The following NF1 variants were observed in gnomAD, a reference collection of about 807,000 sequenced individuals.
NF1 encodes neurofibromin 1.
A neutral mutation model predicts 325.7 loss-of-function variants in NF1; 122 were observed. The ratio of observed to expected loss-of-function variants is 0.37; its 90% CI spans 0.32 to 0.44. The LOEUF (loss-of-function observed/expected upper bound fraction) is 0.44, where lower values mean the gene tolerates loss of function less well. Ranked by LOEUF, NF1 falls within the 20% of genes least tolerant of loss-of-function variation. The pLI, the probability that NF1 is intolerant of heterozygous loss-of-function variation, is 1.00. For missense variants in NF1, 2,140 were observed against 3,415.4 expected, an observed-to-expected ratio of 0.63 and a Z score of 9.31; for synonymous variants, 1,091 against 1,186.0, an observed-to-expected ratio of 0.92 and a Z score of 1.65.
At chr17:31,135,098 T>TA (rs1332348879) in intron 1 of NF1, among the ~76,000 whole-genome samples, 1 of 152,222 alleles carries the variant, frequency 6.6e-6, no homozygotes, top group Non-Finnish European at 1.5e-5. Context: ...ATCAAGTTTA[T>TA]TAAGCAGTTC....
chr17:31,309,181 T>G (rs751263006), intron 36 of NF1, among the ~76,000 whole-genome samples: 5 of 152,228 alleles, frequency 3.3e-5, no homozygotes, highest in Non-Finnish European at 5.9e-5. Context: ...AAGCATACAT[T>G]CTTTCTGCTA....
intron 36 of NF1, chr17:31,304,103 A>G (rs2068641593): frequency 1.6e-6 from 1 of 631,798 alleles, no homozygotes; most frequent in South Asian, 2.7e-5. Flanking sequence ...CTTTTTTTAA[A>G]AAAAAGTTTC....
intron 5 of NF1, among the ~76,000 whole-genome samples, chr17:31,179,060 A>T (rs1432535028): frequency 6.6e-6 from 1 of 152,358 alleles, no homozygotes; most frequent in Non-Finnish European, 1.5e-5. Flanking sequence ...AACAGAATGT[A>T]TATTCTTCTC....
Position 31,201,120 on chromosome 17 carries a change from T to TTGC in NF1, c.1148_1150dup (p.Cys383dup). ...ATCTAATGATTGACTGCCTTGTTTC[T>TTGC]TGCTTTCGTATAAGCCCTCACAACA... On this transcript the variant is annotated inframe_insertion, in exon 10 of 58. Coordinates refer to ENST00000358273, the MANE Select transcript of NF1 (RefSeq NM_001042492.3). The TTGC allele has an allele frequency of 6.2e-7, 1 of 1,614,166 alleles. No individual in the cohort carries two copies. The highest frequency in any genetic ancestry group is 8.5e-7 in the Non-Finnish European group (1 of 1,180,006).
intron 29 of NF1, 121 bp from the exon 30 acceptor site, chr17:31,248,863 T>G: frequency 2.2e-6 from 2 of 901,434 alleles, no homozygotes; most frequent in Middle Eastern, 2.5e-4. Context: ...TGTTTAAAGA[T>G]TCCAATGAAG....
At chr17:31,106,812 T>C (rs949500457) in intron 1 of NF1, among the ~76,000 whole-genome samples, 4 of 152,222 alleles carry the variant, frequency 2.6e-5, no homozygotes, top group Non-Finnish European at 5.9e-5. Flanking sequence ...AATACACTTA[T>C]TGTACATTCT....
intron 36 of NF1, among the ~76,000 whole-genome samples, chr17:31,316,065 G>T (rs190000857): frequency 7.9e-5 from 12 of 152,048 alleles, no homozygotes; most frequent in Non-Finnish European, 1.5e-4. Context: ...CTCGCTGGCT[G>T]GCTTATTTAT....
chr17:31,323,060 C>T (rs2069252511), intron 36 of NF1, among the ~76,000 whole-genome samples: 2 of 152,018 alleles, frequency 1.3e-5, no homozygotes, highest in Non-Finnish European at 2.9e-5. Flanking sequence ...AACAATGATT[C>T]AGAAATGTTT....
At chr17:31,359,091 C>T (rs1223687341) in intron 56 of NF1, 76 bp downstream of exon 56, 1 of 1,164,464 alleles carries the variant, frequency 8.6e-7, no homozygotes, top group Non-Finnish European at 1.3e-6. Context: ...GCTTTAAGAA[C>T]ACACAATGTG....
intron 45 of NF1, 71 bp from the exon 46 acceptor site, chr17:31,338,633 C>A: frequency 1.0e-6 from 1 of 959,824 alleles, no homozygotes; most frequent in South Asian, 1.3e-5. Context: ...TGAATTCATT[C>A]CGAGATTCAG....
Position 31,172,425 on chromosome 17 carries a change from G to A in NF1, c.586+2428G>A, listed in dbSNP as rs116156517. Among the ~76,000 whole-genome samples the A allele has an allele frequency of 7.0e-3, 1,060 of 152,012 alleles. 11 individuals carry two copies. The highest frequency in any genetic ancestry group is 0.024 in the Middle Eastern group (7 of 294). ...TGTATATAGATATATCAATCGATAT[G>A]TGTATATCCAGATCTGTCTATAGAT... On this transcript the variant is annotated intron_variant, in intron 5 of 57. Coordinates refer to ENST00000358273, the MANE Select transcript of NF1 (RefSeq NM_001042492.3).
chr17:31,356,389 T>C, intron 51 of NF1, 71 bp from the exon 52 acceptor site: 1 of 1,516,006 alleles, frequency 6.6e-7, no homozygotes, highest in Non-Finnish European at 9.1e-7. Context: ...CCAAACATTT[T>C]CTTTTTAGTG....
At chr17:31,357,546 A>G (rs920292549) in intron 54 of NF1, 177 bp downstream of exon 54, 5 of 623,910 alleles carry the variant, frequency 8.0e-6, no homozygotes, top group African/African-American at 7.4e-5. Context: ...TAGATCTATT[A>G]GAAAGTTTAT....
chr17:31,309,497 T>C (rs2068812582), intron 36 of NF1, among the ~76,000 whole-genome samples: 1 of 152,210 alleles, frequency 6.6e-6, no homozygotes, highest in Non-Finnish European at 1.5e-5. Flanking sequence ...ATTATTCTTA[T>C]AGATTACAAA....
chr17:31,320,294 A>G lies in NF1; in HGVS notation c.4836-5526A>G, dbSNP rs934939517. 20 of 1,204,102 alleles carry G rather than the reference A, an allele frequency of 1.7e-5. No homozygotes were observed. In the Admixed American group the frequency reaches 4.5e-4, roughly 27 times the overall value. The allele number at this position is 1,204,102 out of a possible 1,614,324, so 74.6% of individuals were successfully genotyped here. A position where few individuals can be genotyped will look rare whatever the true frequency, so the allele number is the denominator to read the frequency against. On this transcript the variant is annotated intron_variant, in intron 36 of 57. Transcript: ENST00000358273. ...ATGAAATTGCCTGGTTAAGAACCCT[A>G]CGTATGCTATAGAAATTCTTCTCAA...
At chr17:31,264,680 A>T (rs2067754851) in intron 35 of NF1, among the ~76,000 whole-genome samples, 1 of 152,200 alleles carries the variant, frequency 6.6e-6, no homozygotes. Flanking sequence ...AAGCACACTG[A>T]GTCTTGAGCA....
intron 39 of NF1, 60 bp from the exon 40 acceptor site, chr17:31,334,778 A>T (rs2151549985): frequency 1.5e-6 from 2 of 1,350,124 alleles, no homozygotes; most frequent in Non-Finnish European, 2.1e-6. Context: ...TCTTTATGTT[A>T]AATAATTGTT....
intron 8 of NF1, among the ~76,000 whole-genome samples, chr17:31,197,892 A>G (rs963445969): frequency 1.3e-5 from 2 of 152,222 alleles, no homozygotes; most frequent in Non-Finnish European, 2.9e-5. Context: ...TCTTAGGGGA[A>G]AAACGTTCAA....
In NF1 at chr17:31,234,490, C is replaced by T. The variant is rs17880921; in HGVS notation, c.3709-1121C>T. ...AGATCGAGACCATCCTGGCTAACAC[C>T]GTGAAACCCTGTCTCTACTAAAAAA... On this transcript the variant is annotated intron_variant, in intron 27 of 57. Transcript: ENST00000358273. Among the ~76,000 whole-genome samples the T allele has an allele frequency of 9.6e-3, 1,452 of 151,380 alleles. 25 individuals are homozygous for T. The highest frequency in any genetic ancestry group is 0.033 in the African/African-American group (1,365 of 41,256).
Sources: gnomAD v4.1 joint callset for allele counts (sites outside exome capture counted in the v4.1 genomes callset) on GRCh38, gnomAD v4.1.1 for gene constraint, MANE v1.5 for transcripts, NCBI Gene and HGNC (gene_info 2026-07-23, HGNC 2026-07-21) for gene names.